The following TMF1 variants were observed in gnomAD, a reference collection of about 807,000 sequenced individuals.
TMF1 encodes the protein TATA element modulatory factor 1.
Under a neutral mutation model 126.5 loss-of-function variants are expected in TMF1, and 71 were observed. That is an observed-to-expected ratio of 0.56 (90% CI 0.46 to 0.68). TMF1 has a LOEUF of 0.68. Ranked by LOEUF, TMF1 falls within the 30% of genes least tolerant of loss-of-function variation. The probability of loss-of-function intolerance (pLI) is 0.00; values close to 1 mark genes in which losing one functional copy is unlikely to be tolerated. For missense variants in TMF1, 1,259 were observed against 1,253.2 expected, an observed-to-expected ratio of 1.00 and a Z score of -0.07; for synonymous variants, 461 against 430.5, an observed-to-expected ratio of 1.07 and a Z score of -0.88.
At chr3:69,041,855 T>C (rs996839262) in intron 5 of TMF1, among the ~76,000 whole-genome samples, 1 of 152,094 alleles carries the variant, frequency 6.6e-6, no homozygotes. Flanking sequence ...GTAGCAAGTA[T>C]TACTCTTATA....
rs1301542975 is a variant in TMF1, at chr3:69,044,593, T to C, written c.1350A>G (p.Thr450=). The C allele has an allele frequency of 1.9e-6, 3 of 1,600,670 alleles. No homozygotes were observed. Among genetic ancestry groups the C allele is most frequent in the East Asian group, 2.2e-5 (1 of 44,658 alleles). Reference sequence around the variant, plus strand: ...CCAGCTTTTCATTCAGAAATTCAACTGTCTGGATAAGGCGAATACATAAAA... The same window carrying C: ...CCAGCTTTTCATTCAGAAATTCAACCGTCTGGATAAGGCGAATACATAAAA... ...ALSEKEDVCK[T]VEFLNEKLEK... is the part of the protein sequence containing the mutation. Residue 450 remains threonine (T), a splice_region_variant and synonymous_variant, in exon 3 of 17, where the codon ACA becomes ACG. Transcript: ENST00000398559.
At chr3:69,040,135 G>C (rs2107464822) in intron 5 of TMF1, among the ~76,000 whole-genome samples, 2 of 152,206 alleles carry the variant, frequency 1.3e-5, no homozygotes, top group East Asian at 3.9e-4. Flanking sequence ...CCCGAACATG[G>C]GTGGGACATC....
chr3:69,026,116 T>C lies in TMF1; in HGVS notation c.2758-19A>G. ...TGCGTTCCTTAGGGAGTAAAAAAAA[T>C]TCTGTTCATATTAAAGAGCAAAGAG... On this transcript the variant is annotated intron_variant, in intron 13 of 16. Transcript: ENST00000398559. 3 of 1,547,188 alleles carry C rather than the reference T, an allele frequency of 1.9e-6. No individual in the cohort carries two copies. The highest frequency in any genetic ancestry group is 2.7e-6 in the Non-Finnish European group (3 of 1,120,782).
chr3:69,023,119 T>G lies in TMF1; in HGVS notation c.*58A>C. Reference sequence around the variant, plus strand: ...AAAAGAATTTATTGGAAGTCCACATTAAATGTTTAGATATTAAATGCTTAC... The same window carrying G: ...AAAAGAATTTATTGGAAGTCCACATGAAATGTTTAGATATTAAATGCTTAC... On this transcript the variant is annotated 3_prime_UTR_variant, in exon 17 of 17. Transcript: ENST00000398559. The G allele has an allele frequency of 6.8e-6, 10 of 1,477,816 alleles. No homozygotes were observed. The highest frequency in any genetic ancestry group is 9.3e-6 in the Non-Finnish European group (10 of 1,081,074). 91.5% of individuals were successfully genotyped at this position (1,477,816 alleles called of 1,614,324 possible). A position where few individuals can be genotyped will look rare whatever the true frequency, so the allele number is the denominator to read the frequency against.
In TMF1 at chr3:69,038,634, T is replaced by G. The variant is rs1021328845; in HGVS notation, c.2081A>C (p.Glu694Ala). 1 of 1,614,202 alleles carries G rather than the reference T, an allele frequency of 6.2e-7. No individual in the cohort carries two copies. ...CTTCTCTAATGCTGCAGAAAGTTCT[T>G]CTTTAGCTTTCATTTCACGGCTCAG... The part of the protein sequence containing the change: ...AALSREMKAK[E>A]ELSAALEKAQ... Residue 694 changes from glutamate to alanine, a missense_variant, in exon 8 of 17, where the codon GAA becomes GCA. Coordinates refer to ENST00000398559, the MANE Select transcript of TMF1 (RefSeq NM_007114.3).
At position 69,020,733 on chromosome 3, in the gene TMF1, T is replaced by C. The variant is rs1407556329; in HGVS notation, c.*2444A>G. 2 of 152,140 alleles carry C rather than the reference T, an allele frequency of 1.3e-5. No individual in the cohort carries two copies. The highest frequency in any genetic ancestry group is 4.8e-5 in the African/African-American group (2 of 41,442). The allele number at this position is 152,140 out of a possible 1,614,324, so 9.4% of individuals were successfully genotyped here. A position where few individuals can be genotyped will look rare whatever the true frequency, so the allele number is the denominator to read the frequency against. On this transcript the variant is annotated 3_prime_UTR_variant, in exon 17 of 17. Transcript: ENST00000398559. Reference sequence around the variant, plus strand: ...CAAGTGTTTAACAATCAAAATATGATCAGTTTGAGTATCAGCTATTTATTT... The same window carrying C: ...CAAGTGTTTAACAATCAAAATATGACCAGTTTGAGTATCAGCTATTTATTT...
Position 69,022,453 on chromosome 3 carries a change from C to G in TMF1, c.*724G>C, listed in dbSNP as rs981773860. 2 of 152,456 alleles carry G rather than the reference C, an allele frequency of 1.3e-5. No individual in the cohort carries two copies. The highest frequency in any genetic ancestry group is 3.2e-3 in the Middle Eastern group (1 of 316). 9.4% of individuals were successfully genotyped at this position (152,456 alleles called of 1,614,324 possible). A position where few individuals can be genotyped will look rare whatever the true frequency, so the allele number is the denominator to read the frequency against. On this transcript the variant is annotated 3_prime_UTR_variant, in exon 17 of 17. Coordinates refer to ENST00000398559, the MANE Select transcript of TMF1 (RefSeq NM_007114.3). The stretch of plus-strand genomic sequence containing the variant: ...ATTATAAATAAATTTTCTCCATTAT[C>G]CAATCACATCTAGATAACATTGAAT...
chr3:69,046,260 G>C (rs193118119), intron 2 of TMF1, among the ~76,000 whole-genome samples: 144 of 150,838 alleles, frequency 9.5e-4, no homozygotes, highest in Admixed American at 1.7e-3. Context: ...ATAAACTTGA[G>C]TATAAAAGGA....
chr3:69,033,520 C>A (rs1411508850), intron 10 of TMF1, 28 bp downstream of exon 10: 1 of 1,597,548 alleles, frequency 6.3e-7, no homozygotes, highest in Non-Finnish European at 8.5e-7. Context: ...AGAGCTTCTG[C>A]ATCGAGCATA....
intron 1 of TMF1, among the ~76,000 whole-genome samples, 168 bp downstream of exon 1, chr3:69,051,777 C>CAA (rs1304645996): frequency 6.6e-6 from 1 of 152,094 alleles, no homozygotes; most frequent in Non-Finnish European, 1.5e-5. Flanking sequence ...AGGAAAACAG[C>CAA]AAAGACCGAC....
At chr3:69,030,118 T>G in intron 10 of TMF1, 111 bp from the exon 11 acceptor site, 2 of 880,358 alleles carry the variant, frequency 2.3e-6, no homozygotes, top group South Asian at 3.7e-5. Flanking sequence ...CACTTAAAAC[T>G]GATAACTATT....
Position 69,039,028 on chromosome 3 carries a change from G to C in TMF1, c.1828-19C>G, listed in dbSNP as rs200959132. On this transcript the variant is annotated intron_variant, in intron 6 of 16. Transcript: ENST00000398559. ...CAAGGACCTATATGTTATAAAAACA[G>C]ACAAAAGTATTTTTCAAGAAATAAT... 74 of 1,491,166 alleles carry C rather than the reference G, an allele frequency of 5.0e-5. No individual in the cohort carries two copies. The African/African-American group carries it at 9.3e-4, about 19-fold the overall frequency. The allele number at this position is 1,491,166 out of a possible 1,614,324, so 92.4% of individuals were successfully genotyped here.
At chr3:69,023,392 G>A in intron 16 of TMF1, 72 bp from the exon 17 acceptor site, 1 of 1,258,222 alleles carries the variant, frequency 7.9e-7, no homozygotes, top group South Asian at 1.4e-5. Context: ...ATTGCCATAG[G>A]AGTCAACAAT....
chr3:69,048,208 G>A lies in TMF1; in HGVS notation c.497C>T (p.Ala166Val). The change falls in exon 2 of 17, where the codon GCA becomes GTA. Residue 166 changes from alanine to valine, a missense_variant. Ala to Val is a moderately conservative substitution (Grantham distance 64). Coordinates refer to ENST00000398559, the MANE Select transcript of TMF1 (RefSeq NM_007114.3). ...TTCAGTTTTAGGTGATGAAGTACCT[G>A]CTGCCAGAGTTTCCCCTGAAACACA... is the stretch of plus-strand genomic sequence containing the variant. ...SLCVSGETLA[A>V]GTSSPKTEGK... 6.2e-7 allele frequency: 1 copy of A among 1,614,200 alleles called. No individual in the cohort carries two copies. Among genetic ancestry groups the A allele is most frequent in the African/African-American group, 1.3e-5 (1 of 75,050 alleles).
chr3:69,028,319 A>C (rs1327570812), intron 11 of TMF1, 24 bp from the exon 12 acceptor site: 2 of 1,544,530 alleles, frequency 1.3e-6, no homozygotes, highest in Non-Finnish European at 1.8e-6. Context: ...CAGAATTTAA[A>C]AAAACAGAAA....
intron 4 of TMF1, 28 bp from the exon 5 acceptor site, chr3:69,042,940 G>A (rs754620726): frequency 2.4e-5 from 36 of 1,474,946 alleles, no homozygotes; most frequent in African/African-American, 4.2e-5. Flanking sequence ...TGTGAATACC[G>A]TAAAGAATGA....
chr3:69,025,000 T>G (rs1031034777), intron 15 of TMF1: 1 of 152,190 alleles, frequency 6.6e-6, no homozygotes, highest in Non-Finnish European at 1.5e-5. Context: ...TTTCAATATT[T>G]CTGACTGCAT....
At chr3:69,049,374 G>C in intron 1 of TMF1, among the ~76,000 whole-genome samples, 1 of 152,060 alleles carries the variant, frequency 6.6e-6, no homozygotes, top group East Asian at 1.9e-4. Flanking sequence ...AACCTGTCTC[G>C]AAAACAAACA....
intron 13 of TMF1, among the ~76,000 whole-genome samples, chr3:69,027,091 G>T (rs939213127): frequency 1.3e-5 from 2 of 152,068 alleles, no homozygotes; most frequent in Admixed American, 6.5e-5. Flanking sequence ...CGCCTCCCGG[G>T]TTCAAGCAAT....
Sources: gnomAD v4.1 joint callset for allele counts (sites outside exome capture counted in the v4.1 genomes callset) on GRCh38, gnomAD v4.1.1 for gene constraint, MANE v1.5 for transcripts, NCBI Gene and HGNC (gene_info 2026-07-23, HGNC 2026-07-21) for gene names.